BMAL1: variants seen among roughly 807,000 people sequenced by gnomAD.
BMAL1 encodes basic helix-loop-helix ARNT like 1, also known as basic helix-loop-helix ARNT-like protein 1.
the BMAL1 span, among the ~76,000 whole-genome samples, chr11:13,345,132 G>C: frequency 6.6e-6 from 1 of 152,148 alleles, no homozygotes; most frequent in African/African-American, 2.4e-5. Flanking sequence ...GACATTCTTG[G>C]GCTTCACCAA....
At chr11:13,354,479 T>C in the BMAL1 span, 10 of 1,605,820 alleles carry the variant, frequency 6.2e-6, no homozygotes, top group South Asian at 1.1e-4. Context: ...CTTCCTCTTG[T>C]TAAACTTGGT....
At chr11:13,354,214 A>ACCC in the BMAL1 span, 1 of 872,262 alleles carries the variant, frequency 1.1e-6, no homozygotes, top group Non-Finnish European at 1.6e-6. Flanking sequence ...CCCACCACCA[A>ACCC]ACCCCCAAGC....
the BMAL1 span, among the ~76,000 whole-genome samples, chr11:13,342,617 A>G: frequency 6.6e-6 from 1 of 152,100 alleles, no homozygotes; most frequent in East Asian, 1.9e-4. Context: ...TTGAACCAGC[A>G]TTCCCTATAC....
chr11:13,351,956 C>T, the BMAL1 span, among the ~76,000 whole-genome samples: 1 of 152,096 alleles, frequency 6.6e-6, no homozygotes, highest in African/African-American at 2.4e-5. Flanking sequence ...TTTATTTTTC[C>T]CAAGATGGGA....
chr11:13,300,488 T>C, the BMAL1 span, among the ~76,000 whole-genome samples: 3 of 152,320 alleles, frequency 2.0e-5, no homozygotes, highest in South Asian at 4.1e-4. Flanking sequence ...ATGAAATTAG[T>C]TGTAAGTGAA....
At chr11:13,322,566 C>T in the BMAL1 span, among the ~76,000 whole-genome samples, 4,071 of 152,202 alleles carry the variant, frequency 0.027, 113 homozygotes, top group Non-Finnish European at 0.037. Flanking sequence ...AAATGTCCGT[C>T]ATGCCCAGGC....
At chr11:13,347,647 G>A in the BMAL1 span, among the ~76,000 whole-genome samples, 1 of 151,034 alleles carries the variant, frequency 6.6e-6, no homozygotes, top group East Asian at 2.0e-4. Context: ...AGGACTTTGA[G>A]ACCAGCCTGG....
chr11:13,364,319 G>A, the BMAL1 span, among the ~76,000 whole-genome samples: 1 of 152,200 alleles, frequency 6.6e-6, no homozygotes, highest in Non-Finnish European at 1.5e-5. Flanking sequence ...AGGGTCTTAA[G>A]CAACAGTGAT....
At chr11:13,351,609 G>A in the BMAL1 span, among the ~76,000 whole-genome samples, 1 of 151,970 alleles carries the variant, frequency 6.6e-6, no homozygotes. Flanking sequence ...GGACATCCAT[G>A]GGACCCTCCC....
At chr11:13,333,028 G>A in the BMAL1 span, among the ~76,000 whole-genome samples, 6 of 150,660 alleles carry the variant, frequency 4.0e-5, no homozygotes, top group African/African-American at 7.3e-5. Flanking sequence ...GTGCAGTGGC[G>A]TGATCTCAGC....
the BMAL1 span, among the ~76,000 whole-genome samples, chr11:13,353,774 T>C: frequency 6.6e-6 from 1 of 152,070 alleles, no homozygotes; most frequent in Admixed American, 6.5e-5. Context: ...GGTAGTGAGC[T>C]GAGATTGCAC....
At chr11:13,367,048 T>C in the BMAL1 span, among the ~76,000 whole-genome samples, 1 of 152,240 alleles carries the variant, frequency 6.6e-6, no homozygotes, top group African/African-American at 2.4e-5. Context: ...ATTTTTAGAC[T>C]TTTCTTTTTT....
At chr11:13,296,168 T>C in the BMAL1 span, among the ~76,000 whole-genome samples, 2 of 152,098 alleles carry the variant, frequency 1.3e-5, no homozygotes, top group East Asian at 3.9e-4. Context: ...TGCTCTTTTG[T>C]CCCCTCCTTC....
the BMAL1 span, among the ~76,000 whole-genome samples, chr11:13,284,218 ATATATATATGTGTGTG>A: frequency 1.8e-4 from 3 of 16,962 alleles, no homozygotes; most frequent in African/African-American, 3.0e-4. Flanking sequence ...ATGTGTATAT[ATATATATATGTGTGTG>A]TATATATATA....
the BMAL1 span, among the ~76,000 whole-genome samples, chr11:13,298,422 G>A: frequency 3.9e-5 from 6 of 152,108 alleles, no homozygotes; most frequent in Non-Finnish European, 8.8e-5. Flanking sequence ...CTGGGTCACT[G>A]CCCCCCAAAT....
the BMAL1 span, chr11:13,355,129 C>A: frequency 1.8e-6 from 2 of 1,119,100 alleles, no homozygotes; most frequent in Non-Finnish European, 2.6e-6. Flanking sequence ...TGCGTGGAAT[C>A]TTACCCAAAT....
At chr11:13,331,750 A>C in the BMAL1 span, among the ~76,000 whole-genome samples, 2 of 152,148 alleles carry the variant, frequency 1.3e-5, no homozygotes, top group Admixed American at 6.5e-5. Flanking sequence ...GTGAACCTCT[A>C]TCTCTTTCTT....
chr11:13,373,741 TCAGA>T, the BMAL1 span, among the ~76,000 whole-genome samples: 3 of 152,168 alleles, frequency 2.0e-5, no homozygotes, highest in South Asian at 2.1e-4. Context: ...ATTCCTGAGC[TCAGA>T]CAATCTGCCC....
At chr11:13,284,124 GTGTGTATA>G in the BMAL1 span, among the ~76,000 whole-genome samples, 146 of 106,314 alleles carry the variant, frequency 1.4e-3, 13 homozygotes, top group Middle Eastern at 4.8e-3. Flanking sequence ...ATATATGTGT[GTGTGTATA>G]TATATATATA....
Sources: allele counts gnomAD v4.1 joint callset (sites outside exome capture counted in the v4.1 genomes callset), GRCh38; gene constraint gnomAD v4.1.1; transcripts MANE v1.5; gene names NCBI Gene and HGNC (gene_info 2026-07-23, HGNC 2026-07-21).